The following PPP1R7 variants were observed in gnomAD, a reference collection of about 807,000 sequenced individuals.
PPP1R7 encodes the protein protein phosphatase 1 regulatory subunit 7, also known as protein phosphatase 1 regulatory subunit 22.
A neutral mutation model predicts 45.2 loss-of-function variants in PPP1R7; 18 were observed. That is an observed-to-expected ratio of 0.40 (90% CI 0.28 to 0.59). PPP1R7 has a LOEUF of 0.59. Ranked by LOEUF, PPP1R7 falls within the 20% of genes least tolerant of loss-of-function variation. The pLI is 0.46. For missense variants in PPP1R7, 314 were observed against 455.8 expected (o/e 0.69, Z 2.83); for synonymous variants, 181 against 183.4 (o/e 0.99, Z 0.11).
chr2:241,181,639 G>A (rs897316568), intron 9 of PPP1R7, among the ~76,000 whole-genome samples: 1 of 152,152 alleles, frequency 6.6e-6, no homozygotes, highest in Non-Finnish European at 1.5e-5. Flanking sequence ...GCAGGGCAGT[G>A]GGCAGTGTGG....
chr2:241,164,963 G>A lies in PPP1R7; in HGVS notation c.715-1374G>A, dbSNP rs111964066. ...CTCAAGAGGATGAGGCAGGAGAAAT[G>A]CTTGAATCCAGGAGGAGGACATTGC... On this transcript the variant is annotated intron_variant, in intron 7 of 9. Coordinates refer to ENST00000234038, the MANE Select transcript of PPP1R7 (RefSeq NM_002712.3). Among the ~76,000 whole-genome samples, 1,169 of 152,132 alleles carry A rather than the reference G, an allele frequency of 7.7e-3. 16 individuals carry two copies. Among genetic ancestry groups the A allele is most frequent in the African/African-American group, 0.026 (1,079 of 41,524 alleles).
At chr2:241,162,138 T>C (rs937034082) in intron 6 of PPP1R7, among the ~76,000 whole-genome samples, 1 of 152,180 alleles carries the variant, frequency 6.6e-6, no homozygotes, top group Non-Finnish European at 1.5e-5. Flanking sequence ...GCAGCCCAGA[T>C]GTCCGCATTT....
At chr2:241,176,084 A>T (rs1164872866) in intron 9 of PPP1R7, among the ~76,000 whole-genome samples, 1 of 151,848 alleles carries the variant, frequency 6.6e-6, no homozygotes, top group Non-Finnish European at 1.5e-5. Flanking sequence ...GGACCATTTT[A>T]AAATCTTTTG....
At chr2:241,166,989 A>G in intron 8 of PPP1R7, 3 of 1,519,730 alleles carry the variant, frequency 2.0e-6, no homozygotes, top group Non-Finnish European at 2.7e-6. Context: ...CCTGCTTTCC[A>G]CACCTGTCCT....
rs764957908 is a variant in PPP1R7 at position 241,157,828 on chromosome 2, A to C, written c.203A>C (p.Asp68Ala). Residue 68 changes from aspartate to alanine, a missense_variant, in exon 3 of 10, where the codon GAC becomes GCC. Around this residue, in one of 3 missense-constraint regions of PPP1R7, gnomAD observed 112 missense variants for 144.5 expected, o/e 0.78. Transcript: ENST00000234038. ...TCAGAAGAACATGAGCTGCCTGTGG[A>C]CATGGAAACCATCAACCTGGACAGA... ...DPEEEHELPV[D>A]METINLDRDA... 1 of 1,614,058 alleles carries C rather than the reference A, an allele frequency of 6.2e-7. No homozygotes were observed. Among genetic ancestry groups the C allele is most frequent in the South Asian group, 1.1e-5 (1 of 91,088 alleles).
intron 9 of PPP1R7, among the ~76,000 whole-genome samples, chr2:241,172,951 T>C (rs2067843919): frequency 6.6e-6 from 1 of 151,758 alleles, no homozygotes; most frequent in Admixed American, 6.5e-5. Context: ...TTTGCATTAT[T>C]TCTCCTTTAT....
In PPP1R7 at chr2:241,154,179, CAAA is replaced by C. The variant is rs1167747738; in HGVS notation, c.181+598_181+600del. 3.2e-3 allele frequency among the ~76,000 whole-genome samples: 164 copies of C among 50,480 alleles called. No individual in the cohort carries two copies. The South Asian group carries it at 0.052, about 16-fold the overall frequency. The allele number at this position is 50,480 out of a possible 152,430, so 33.1% of individuals were successfully genotyped here. Reference sequence around the variant, plus strand: ...TAGGTGACAGAGGGATACTCCTTCTCAAAAAAAAAAAAAAAAAAAAAAAAAGGA... The same window carrying C: ...TAGGTGACAGAGGGATACTCCTTCTCAAAAAAAAAAAAAAAAAAAAAAGGA... On this transcript the variant is annotated intron_variant, in intron 2 of 9. Transcript: ENST00000234038.
chr2:241,170,313 A>G (rs1486492136), intron 9 of PPP1R7, among the ~76,000 whole-genome samples: 7 of 152,204 alleles, frequency 4.6e-5, no homozygotes, highest in Admixed American at 1.3e-4. Context: ...GAAATGTTGG[A>G]TGGGTTTCTG....
At chr2:241,178,525 C>T (rs567490799) in intron 9 of PPP1R7, among the ~76,000 whole-genome samples, 5 of 141,996 alleles carry the variant, frequency 3.5e-5, no homozygotes, top group African/African-American at 1.1e-4. Flanking sequence ...GGCGTGATCT[C>T]GGCTCACTGC....
At chr2:241,149,701 C>CA, upstream of PPP1R7, 1 of 1,551,390 alleles carries the variant, frequency 6.4e-7, no homozygotes, top group East Asian at 2.4e-5. Context: ...GACTCGCGAT[C>CA]AAAATGGGTG....
In PPP1R7 at chr2:241,174,735, C is replaced by T. The variant is rs548506707; in HGVS notation, c.906+4868C>T. ...TGTCGCCCAGGCTGGAGTGCAGTGG[C>T]GCGATCTCAGCTCACTGCAAGCTCC... On this transcript the variant is annotated intron_variant, in intron 9 of 9. Coordinates refer to ENST00000234038, the MANE Select transcript of PPP1R7 (RefSeq NM_002712.3). Among the ~76,000 whole-genome samples, 352 of 150,706 alleles carry T rather than the reference C, an allele frequency of 2.3e-3. 4 individuals carry two copies. Among genetic ancestry groups the T allele is most frequent in the African/African-American group, 7.9e-3 (322 of 40,938 alleles).
chr2:241,170,422 G>A (rs184477798), intron 9 of PPP1R7, among the ~76,000 whole-genome samples: 1 of 152,218 alleles, frequency 6.6e-6, no homozygotes. Flanking sequence ...CAGAATATAA[G>A]AAGTTTTTGC....
At chr2:241,170,596 C>T (rs535811843) in intron 9 of PPP1R7, among the ~76,000 whole-genome samples, 1 of 152,302 alleles carries the variant, frequency 6.6e-6, no homozygotes, top group Admixed American at 6.5e-5. Context: ...TAGTAGTGTC[C>T]TCAGATACAT....
intron 9 of PPP1R7, among the ~76,000 whole-genome samples, chr2:241,175,286 C>G (rs2067891176): frequency 6.6e-6 from 1 of 152,212 alleles, no homozygotes; most frequent in South Asian, 2.1e-4. Flanking sequence ...ATCTCCAGGA[C>G]TCTTTTCAAC....
At chr2:241,174,203 G>A (rs2149068449) in intron 9 of PPP1R7, among the ~76,000 whole-genome samples, 1 of 152,146 alleles carries the variant, frequency 6.6e-6, no homozygotes, top group East Asian at 1.9e-4. Context: ...TGAAGCTGTG[G>A]CCCTCCTAGG....
chr2:241,151,407 T>G lies in PPP1R7; in HGVS notation c.52+860T>G, dbSNP rs35479893. On this transcript the variant is annotated intron_variant, in intron 1 of 9. Coordinates refer to ENST00000234038, the MANE Select transcript of PPP1R7 (RefSeq NM_002712.3). Reference sequence around the variant, plus strand: ...GGAGGGCGGGTGCAGCAGGAAGGCCTGACATGTTAGGGAGTGGTGACAGCT... The same window carrying G: ...GGAGGGCGGGTGCAGCAGGAAGGCCGGACATGTTAGGGAGTGGTGACAGCT... 6 of 469,578 alleles carry G rather than the reference T, an allele frequency of 1.3e-5. No individual in the cohort carries two copies. The East Asian group carries it at 4.2e-4, about 33-fold the overall frequency. 29.1% of individuals were successfully genotyped at this position (469,578 alleles called of 1,614,324 possible).
In PPP1R7 at chr2:241,150,550, G is replaced by GAGCGGCCCCTGCGGGC; in HGVS notation, c.52+4_52+19dup. ...ACAGTCGCAGGAGATGATGGAGGGT[G>GAGCGGCCCCTGCGGGC]AGCGGCCCCTGCGGGCGGCGGCCCA... On this transcript the variant is annotated splice_donor_region_variant and intron_variant, in intron 1 of 9. Transcript: ENST00000234038. 6.3e-7 allele frequency: 1 copy of GAGCGGCCCCTGCGGGC among 1,592,342 alleles called. No homozygotes were observed. Among genetic ancestry groups the GAGCGGCCCCTGCGGGC allele is most frequent in the Non-Finnish European group, 8.5e-7 (1 of 1,171,474 alleles).
chr2:241,154,778 G>A (rs562339160), intron 2 of PPP1R7, among the ~76,000 whole-genome samples: 3 of 152,130 alleles, frequency 2.0e-5, no homozygotes, highest in African/African-American at 4.8e-5. Context: ...CACATCAAAC[G>A]GGCTGAGTCT....
intron 9 of PPP1R7, among the ~76,000 whole-genome samples, chr2:241,174,938 G>A (rs1297074137): frequency 6.6e-6 from 1 of 152,058 alleles, no homozygotes; most frequent in African/African-American, 2.4e-5. Context: ...GCCTCCCCAG[G>A]TGCTGGGATT....
Sources: gnomAD v4.1 joint callset for allele counts (sites outside exome capture counted in the v4.1 genomes callset) on GRCh38, gnomAD v4.1.1 for gene constraint, gnomAD v4.1.1 regional missense constraint, MANE v1.5 for transcripts, NCBI Gene and HGNC (gene_info 2026-07-23, HGNC 2026-07-21) for gene names.